Variants in DENND11 observed in about 807,000 individuals in gnomAD.
The protein encoded by DENND11 is DENN domain-containing protein 11.
DENND11 carries 34 observed loss-of-function variants against 49.2 expected under a neutral mutation model. The ratio of observed to expected loss-of-function variants is 0.69; its 90% confidence interval spans 0.53 to 0.92. The LOEUF (loss-of-function observed/expected upper bound fraction) is 0.92. Among genes scored for constraint, DENND11 ranks in the 40% least tolerant of loss-of-function variants. The probability of loss-of-function intolerance (pLI) is 0.00; values close to 1 mark genes in which losing one functional copy is unlikely to be tolerated. For missense variants in DENND11, 475 were observed against 581.6 expected, an observed-to-expected ratio of 0.82 and a Z score of 1.88; for synonymous variants, 238 against 230.3, an observed-to-expected ratio of 1.03 and a Z score of -0.30.
At chr7:141,700,476 T>TC (rs1563007383) in intron 1 of DENND11, among the ~76,000 whole-genome samples, 1,696 of 140,226 alleles carry the variant, frequency 0.012, 29 homozygotes, top group African/African-American at 0.041. Flanking sequence ...AGACACTGTC[T>TC]GAAAAAAAAA....
At position 141,658,870 on chromosome 7, in the gene DENND11, G is replaced by A. The variant is rs1451935653; in HGVS notation, c.*3786C>T. 1 of 152,550 alleles carries A rather than the reference G, an allele frequency of 6.6e-6. No individual in the cohort carries two copies. Among genetic ancestry groups the A allele is most frequent in the Non-Finnish European group, 1.5e-5 (1 of 68,038 alleles). The allele number at this position is 152,550 out of a possible 1,614,324, so 9.4% of individuals were successfully genotyped here. ...CCTGAAGGCCTCAGTTTAAAGATGA[G>A]TGATTTCATCTTTTACTGTGTTTGA... is the stretch of plus-strand genomic sequence containing the variant. On this transcript the variant is annotated 3_prime_UTR_variant, in exon 9 of 9. Coordinates refer to ENST00000536163, the MANE Select transcript of DENND11 (RefSeq NM_001080392.2).
chr7:141,692,003 C>T (rs986669126), intron 1 of DENND11, among the ~76,000 whole-genome samples: 5 of 152,134 alleles, frequency 3.3e-5, no homozygotes, highest in African/African-American at 1.2e-4. Context: ...ATTGTAGTTA[C>T]ATAGGAAAAT....
intron 4 of DENND11, among the ~76,000 whole-genome samples, chr7:141,667,006 C>T (rs1241266217): frequency 1.1e-4 from 16 of 152,158 alleles, no homozygotes; most frequent in Admixed American, 1.0e-3. Context: ...CTCACTGCAA[C>T]CTCTACCTCC....
intron 1 of DENND11, among the ~76,000 whole-genome samples, chr7:141,700,988 A>T (rs750367048): frequency 2.0e-5 from 3 of 152,062 alleles, no homozygotes; most frequent in Non-Finnish European, 4.4e-5. Flanking sequence ...GACTCCTGCG[A>T]TGACACCTCC....
intron 8 of DENND11, chr7:141,663,227 A>C: frequency 4.0e-5 from 7 of 176,054 alleles, no homozygotes; most frequent in Non-Finnish European, 5.9e-5. Flanking sequence ...CAACAACAAA[A>C]TGAACGTGAG....
chr7:141,693,799 T>C (rs1798365768), intron 1 of DENND11, among the ~76,000 whole-genome samples: 2 of 152,124 alleles, frequency 1.3e-5, no homozygotes, highest in Non-Finnish European at 2.9e-5. Context: ...GGCAAAATTA[T>C]AGAGACAATA....
At chr7:141,685,177 G>T (rs1798219389) in intron 3 of DENND11, among the ~76,000 whole-genome samples, 1 of 151,684 alleles carries the variant, frequency 6.6e-6, no homozygotes, top group African/African-American at 2.4e-5. Flanking sequence ...AACTATTGCG[G>T]CTTTGCATAA....
At chr7:141,701,277 G>A (rs2117088291) in intron 1 of DENND11, among the ~76,000 whole-genome samples, 1 of 151,914 alleles carries the variant, frequency 6.6e-6, no homozygotes, top group Middle Eastern at 3.4e-3. Context: ...TGCTCCCGGC[G>A]TTAATTCCTC....
At chr7:141,697,995 C>CCT (rs561366676) in intron 1 of DENND11, among the ~76,000 whole-genome samples, 113 of 152,262 alleles carry the variant, frequency 7.4e-4, no homozygotes, top group African/African-American at 2.6e-3. Flanking sequence ...TCACCTTACC[C>CCT]CTCCTCTTGC....
intron 1 of DENND11, among the ~76,000 whole-genome samples, chr7:141,693,267 A>C (rs1798354255): frequency 6.6e-6 from 1 of 152,228 alleles, no homozygotes; most frequent in Admixed American, 6.5e-5. Context: ...CTATTTTTTC[A>C]TATGCTCATT....
Position 141,663,940 on chromosome 7 carries a change from C to G in DENND11, c.1172+232G>C, listed in dbSNP as rs568508064. Reference sequence around the variant, plus strand: ...TAAAAGCCCAACAAGGAAAGAAACACTAAGACTCCTGTTTTCTCTTAAGGG... The same window carrying G: ...TAAAAGCCCAACAAGGAAAGAAACAGTAAGACTCCTGTTTTCTCTTAAGGG... On this transcript the variant is annotated intron_variant, in intron 8 of 8. Transcript: ENST00000536163. 7.6e-5 allele frequency: 36 copies of G among 471,986 alleles called. 1 individual carries two copies. The South Asian group carries it at 1.5e-3, about 20-fold the overall frequency. The allele number at this position is 471,986 out of a possible 1,614,324, so 29.2% of individuals were successfully genotyped here.
At chr7:141,685,778 A>C in intron 2 of DENND11, 142 bp from the exon 3 acceptor site, 1 of 860,718 alleles carries the variant, frequency 1.2e-6, no homozygotes, top group Admixed American at 2.5e-5. Context: ...AAGCCACATG[A>C]CCTCACTGAT....
intron 4 of DENND11, 112 bp downstream of exon 4, chr7:141,673,955 A>G: frequency 7.8e-7 from 1 of 1,289,842 alleles, no homozygotes; most frequent in Non-Finnish European, 1.1e-6. Flanking sequence ...TCAAAAGTAG[A>G]CATTTTGTAT....
chr7:141,673,784 A>G (rs1374903995), intron 4 of DENND11, among the ~76,000 whole-genome samples: 1 of 152,236 alleles, frequency 6.6e-6, no homozygotes, highest in African/African-American at 2.4e-5. Flanking sequence ...TAGTGTTAAA[A>G]TATCAGAAGC....
chr7:141,673,222 T>C (rs1216782626), intron 4 of DENND11, among the ~76,000 whole-genome samples: 1 of 152,088 alleles, frequency 6.6e-6, no homozygotes, highest in African/African-American at 2.4e-5. Context: ...GCCTCGGTTG[T>C]TTTCGCTGGA....
chr7:141,675,556 T>C (rs1210042969), intron 3 of DENND11, among the ~76,000 whole-genome samples: 1 of 152,180 alleles, frequency 6.6e-6, no homozygotes, highest in Non-Finnish European at 1.5e-5. Context: ...ACATCCCTAA[T>C]TATGGTTGGC....
At chr7:141,677,424 C>T (rs200812471) in intron 3 of DENND11, among the ~76,000 whole-genome samples, 2,432 of 57,252 alleles carry the variant, frequency 0.042, 28 homozygotes, top group East Asian at 0.14. Flanking sequence ...TATATATATA[C>T]ACATATATAT....
intron 4 of DENND11, among the ~76,000 whole-genome samples, chr7:141,669,754 CAG>C (rs959288645): frequency 6.7e-6 from 1 of 149,914 alleles, no homozygotes; most frequent in Non-Finnish European, 1.5e-5. Context: ...TAAAAACTGA[CAG>C]ATATATTACA....
Position 141,674,101 on chromosome 7 carries a change from G to A in DENND11, c.647C>T (p.Pro216Leu). ...AGGGTACATGTATCGGTGGATGGAA[G>A]GCAGCCAGTAGACAGGGGGCAGGCT... Reference protein sequence around the residue: ...GSSLPPVYWLPSIHRYMYPEM... With the variant: ...GSSLPPVYWLLSIHRYMYPEM... Residue 216 changes from proline to leucine, a missense_variant, in exon 4 of 9, where the codon CCT becomes CTT. Transcript: ENST00000536163. The A allele has an allele frequency of 6.2e-7, 1 of 1,602,832 alleles. No individual in the cohort carries two copies. The highest frequency in any genetic ancestry group is 2.2e-5 in the East Asian group (1 of 44,480).
Sources: gnomAD v4.1 joint callset for allele counts (sites outside exome capture counted in the v4.1 genomes callset) on GRCh38, gnomAD v4.1.1 for gene constraint, MANE v1.5 for transcripts, NCBI Gene and HGNC (gene_info 2026-07-23, HGNC 2026-07-21) for gene names.